The following PDE4D variants were observed in gnomAD, a reference collection of about 807,000 sequenced individuals.
PDE4D encodes the protein phosphodiesterase 4D.
Under a neutral mutation model 87.4 loss-of-function variants are expected in PDE4D, and 24 were observed. The observed-to-expected ratio is 0.27, with a 90% confidence interval of 0.20 to 0.39. PDE4D has a LOEUF of 0.39. PDE4D is among the 10% of genes least tolerant of loss of function. The pLI is 1.00. For missense variants in PDE4D, 714 were observed against 1,041.0 expected, an observed-to-expected ratio of 0.69 and a Z score of 4.32; for synonymous variants, 384 against 383.2, an observed-to-expected ratio of 1.00 and a Z score of -0.02.
chr5:59,407,019 GA>G (rs1791794207), intron 1 of PDE4D, among the ~76,000 whole-genome samples: 1 of 152,144 alleles, frequency 6.6e-6, no homozygotes, highest in Non-Finnish European at 1.5e-5. Context: ...TGGGAGCCTT[GA>G]ATGATTTAAC....
At chr5:59,365,149 GA>G (rs940501119) in intron 1 of PDE4D, among the ~76,000 whole-genome samples, 1 of 152,090 alleles carries the variant, frequency 6.6e-6, no homozygotes, top group Non-Finnish European at 1.5e-5. Context: ...TCTTATTTAA[GA>G]AAAAATGTAT....
chr5:59,926,259 T>C (rs1160472269), intron 3 of PDE4D, among the ~76,000 whole-genome samples: 1 of 152,102 alleles, frequency 6.6e-6, no homozygotes, highest in Non-Finnish European at 1.5e-5. Context: ...TGCTCCTGAA[T>C]GAGCAGTGAG....
chr5:59,785,239 C>T (rs145337949), intron 1 of PDE4D, among the ~76,000 whole-genome samples: 1 of 152,240 alleles, frequency 6.6e-6, no homozygotes, highest in African/African-American at 2.4e-5. Flanking sequence ...ACAAGCATAC[C>T]TGTGGTATGG....
intron 1 of PDE4D, among the ~76,000 whole-genome samples, chr5:59,873,033 G>A (rs1198783274): frequency 6.6e-6 from 1 of 152,116 alleles, no homozygotes; most frequent in Non-Finnish European, 1.5e-5. Flanking sequence ...ATTGTGAAAG[G>A]TACCTTTCTG....
intron 1 of PDE4D, among the ~76,000 whole-genome samples, chr5:59,688,885 GA>G (rs1561479361): frequency 6.6e-6 from 1 of 152,024 alleles, no homozygotes; most frequent in African/African-American, 2.4e-5. Flanking sequence ...TGATAAAGGT[GA>G]TATCACCACT....
At chr5:59,448,252 T>A (rs1042048744) in intron 1 of PDE4D, among the ~76,000 whole-genome samples, 2 of 152,178 alleles carry the variant, frequency 1.3e-5, no homozygotes, top group African/African-American at 4.8e-5. Context: ...GGCTGCCAAG[T>A]GAGGTGGGAC....
chr5:60,411,450 G>A (rs1466284431), intron 1 of PDE4D, among the ~76,000 whole-genome samples: 1 of 151,688 alleles, frequency 6.6e-6, no homozygotes, highest in African/African-American at 2.4e-5. Flanking sequence ...TGTCACAAAG[G>A]GAAGTATCAC....
At chr5:59,160,510 T>A (rs1317757162) in intron 5 of PDE4D, among the ~76,000 whole-genome samples, 1 of 151,994 alleles carries the variant, frequency 6.6e-6, no homozygotes, top group Non-Finnish European at 1.5e-5. Context: ...TTCCAGGTGA[T>A]TATTATTATC....
chr5:60,457,645 A>T (rs1746575811), intron 1 of PDE4D, among the ~76,000 whole-genome samples: 1 of 152,180 alleles, frequency 6.6e-6, no homozygotes, highest in Non-Finnish European at 1.5e-5. Flanking sequence ...ATGACTTCAA[A>T]AAGATAGGAA....
intron 1 of PDE4D, among the ~76,000 whole-genome samples, chr5:59,406,866 T>C (rs1192096128): frequency 3.9e-5 from 6 of 152,240 alleles, no homozygotes; most frequent in African/African-American, 1.4e-4. Flanking sequence ...TCTATTTGTT[T>C]CTTAAACTCT....
At chr5:59,707,690 AGT>A (rs1753637565) in intron 1 of PDE4D, among the ~76,000 whole-genome samples, 1 of 151,956 alleles carries the variant, frequency 6.6e-6, no homozygotes, top group Non-Finnish European at 1.5e-5. Context: ...GACAGGCCCC[AGT>A]GTGTGTTGTT....
rs370601472 is a variant in PDE4D, at chr5:60,419,792, G to A, written c.-90+68150C>T. On this transcript the variant is annotated intron_variant, in intron 1 of 16. Coordinates refer to the PDE4D transcript ENST00000502484. ...ACTAAGTAAAATATATGAGGCAACC[G>A]TTTTCAAACAGTGGCTAACAAGCCA... Among the ~76,000 whole-genome samples the A allele has an allele frequency of 7.9e-5, 12 of 152,248 alleles. No individual in the cohort carries two copies. In the East Asian group the frequency reaches 1.7e-3, roughly 22 times the overall value.
intron 1 of PDE4D, among the ~76,000 whole-genome samples, chr5:59,298,978 C>T (rs987519860): frequency 1.3e-5 from 2 of 152,032 alleles, no homozygotes; most frequent in Admixed American, 6.5e-5. Context: ...TCCAAACACA[C>T]AAAACAAAGA....
rs964688907 is a variant in PDE4D, at chr5:60,232,736, T to A, written c.-89-47049A>T. 2.0e-5 allele frequency among the ~76,000 whole-genome samples: 3 copies of A among 151,952 alleles called. No individual in the cohort carries two copies. In the South Asian group the frequency reaches 6.2e-4, roughly 31 times the overall value. ...TCACAAAACATAAAGAAGCCTTACA[T>A]CCAGGCTATGGAATACAAAAGGTAA... On this transcript the variant is annotated intron_variant, in intron 1 of 16. Coordinates refer to the PDE4D transcript ENST00000502484.
intron 2 of PDE4D, among the ~76,000 whole-genome samples, chr5:59,989,087 C>CATATATATAT (rs541522751): frequency 0.021 from 2,093 of 98,536 alleles, 26 homozygotes; most frequent in African/African-American, 0.034. Flanking sequence ...ATGCATGTGT[C>CATATATATAT]ATATATATAT....
intron 1 of PDE4D, among the ~76,000 whole-genome samples, chr5:59,626,024 C>T (rs1173568284): frequency 6.6e-6 from 1 of 152,130 alleles, no homozygotes; most frequent in Admixed American, 6.5e-5. Flanking sequence ...GGAGGCGGAG[C>T]TTGCAGTGAG....
intron 1 of PDE4D, among the ~76,000 whole-genome samples, chr5:59,461,856 CCTT>C (rs534030840): frequency 3.9e-5 from 6 of 152,108 alleles, no homozygotes; most frequent in African/African-American, 1.4e-4. Context: ...GAAAGGGACT[CCTT>C]CTACTCATGA....
intron 1 of PDE4D, among the ~76,000 whole-genome samples, chr5:60,310,476 T>C (rs1474042657): frequency 6.6e-6 from 1 of 152,192 alleles, no homozygotes; most frequent in Non-Finnish European, 1.5e-5. Flanking sequence ...AAGTTTATTC[T>C]GCAAAGTTCC....
intron 1 of PDE4D, among the ~76,000 whole-genome samples, chr5:59,385,647 C>T (rs751903827): frequency 6.6e-6 from 1 of 152,000 alleles, no homozygotes; most frequent in African/African-American, 2.4e-5. Context: ...AAGATTATAC[C>T]CATTTATACA....
Sources: allele counts gnomAD v4.1 joint callset (sites outside exome capture counted in the v4.1 genomes callset), GRCh38; gene constraint gnomAD v4.1.1; transcripts MANE v1.5; gene names NCBI Gene and HGNC (gene_info 2026-07-23, HGNC 2026-07-21).